The following REC8 variants were observed in gnomAD, a reference collection of about 807,000 sequenced individuals.
REC8 encodes REC8 meiotic recombination protein.
Under a neutral mutation model 78.3 loss-of-function variants are expected in REC8, and 42 were observed. That is an observed-to-expected ratio of 0.54 (90% CI 0.42 to 0.69). The LOEUF (loss-of-function observed/expected upper bound fraction) is 0.69. REC8 is among the 30% of genes least tolerant of loss of function. The pLI is 0.00. For synonymous variants in REC8, 268 were observed against 274.1 expected (o/e 0.98, Z 0.22); for missense variants, 581 against 715.8 (o/e 0.81, Z 2.15).
chr14:24,177,315 C>A (rs1566633705), intron 8 of REC8, 38 bp from the exon 9 acceptor site: 2 of 1,614,176 alleles, frequency 1.2e-6, no homozygotes, highest in South Asian at 2.2e-5. Flanking sequence ...TCCCATTTCT[C>A]TTTTTCTGTC....
rs1257771484 is a variant in REC8, at chr14:24,177,164, C to T, written c.648C>T (p.Val216=). The T allele has an allele frequency of 1.9e-6, 3 of 1,614,070 alleles. No homozygotes were observed. Among genetic ancestry groups the T allele is most frequent in the East Asian group, 4.5e-5 (2 of 44,868 alleles). Residue 216 remains valine, a synonymous_variant, in exon 8 of 19, where the codon GTC becomes GTT. Transcript: ENST00000611366. The part of the protein sequence containing the change: ...EIEGERELPE[V]SRRELDLLIA... ...AGGGTGAACGGGAGCTCCCAGAGGT[C>T]AGCCGCCGAGAACTGGACCTGCTGA...
rs2038965187 is a variant in REC8, at chr14:24,177,724, A to G, written c.830A>G (p.Glu277Gly). ...GALLMEVTPP[E>G]ELRLPAPPSP... ...GTTGTTGCAGAGGTGACCCCCCCGGAGGAGCTGCGTCTGCCAGCCCCACCC... is the reference window on the plus strand; with the variant it reads ...GTTGTTGCAGAGGTGACCCCCCCGGGGGAGCTGCGTCTGCCAGCCCCACCC... Residue 277 changes from glutamate (E) to glycine (G), a missense_variant, in exon 11 of 19, where the codon GAG (glutamate) becomes GGG (glycine). Physicochemically the swap from Glu to Gly is moderately conservative, Grantham distance 98. Transcript: ENST00000611366. 1 of 1,611,440 alleles carries G rather than the reference A, an allele frequency of 6.2e-7. No individual in the cohort carries two copies. The highest frequency in any genetic ancestry group is 8.5e-7 in the Non-Finnish European group (1 of 1,178,736).
At chr14:24,175,355 G>T in intron 5 of REC8, 188 bp from the exon 6 acceptor site, 1 of 548,890 alleles carries the variant, frequency 1.8e-6, no homozygotes, top group South Asian at 2.2e-5. Context: ...GGGTTGGGGA[G>T]GGAGGTGAGA....
In REC8 at chr14:24,176,866, C is replaced by T. The variant is rs749685028; in HGVS notation, c.589C>T (p.Leu197=). 2 of 1,613,858 alleles carry T rather than the reference C, an allele frequency of 1.2e-6. No individual in the cohort carries two copies. Among genetic ancestry groups the T allele is most frequent in the Non-Finnish European group, 1.7e-6 (2 of 1,179,900 alleles). ...TVLPPEAITI[L]EAEPIRMLEI... ...GCTGCCACCTGAGGCCATCACGATC[C>T]TGGAGGCAGAGCCCATACGGATGCT... The change falls in exon 7 of 19, where the codon CTG becomes TTG. Residue 197 remains leucine (L), a synonymous_variant. Coordinates refer to ENST00000611366, the MANE Select transcript of REC8 (RefSeq NM_001048205.2).
rs375023586 is a variant in REC8 at position 24,178,239 on chromosome 14, C to A, written c.996+17C>A. On this transcript the variant is annotated intron_variant, in intron 12 of 18. Transcript: ENST00000611366. ...TGGGAATGTGTGAGTGCAGCCCAGG[C>A]TTTGCCGGGGAAGGGAGGGAGGCAG... 18 of 1,607,644 alleles carry A rather than the reference C, an allele frequency of 1.1e-5. No homozygotes were observed. The South Asian group carries it at 1.6e-4, about 15-fold the overall frequency.
chr14:24,180,296 G>A (rs1425244397), downstream of REC8: 2 of 1,517,780 alleles, frequency 1.3e-6, no homozygotes, highest in African/African-American at 2.8e-5. Context: ...CAGCCTCAGG[G>A]ACAGCCCTGT....
rs1248465402 is a variant in REC8, at chr14:24,176,713, G to A, written c.545-109G>A. 6 of 817,952 alleles carry A rather than the reference G, an allele frequency of 7.3e-6. No homozygotes were observed. The African/African-American group carries it at 8.5e-5, about 12-fold the overall frequency. The allele number at this position is 817,952 out of a possible 1,614,324, so 50.7% of individuals were successfully genotyped here. On this transcript the variant is annotated intron_variant, in intron 6 of 18. Coordinates refer to ENST00000611366, the MANE Select transcript of REC8 (RefSeq NM_001048205.2). ...GGATGCCAGAGATTAGCCTGGGTCT[G>A]ATTAGAATCCAGGTTACCTTGACTT...
intron 11 of REC8, 107 bp from the exon 12 acceptor site, chr14:24,177,984 C>G: frequency 6.6e-7 from 1 of 1,525,808 alleles, no homozygotes; most frequent in African/African-American, 1.4e-5. Flanking sequence ...CAAGCCCTCT[C>G]CAGGTTCCTC....
Position 24,179,580 on chromosome 14 carries a change from CTCA to C in REC8, c.1320-13_1320-11del. The C allele has an allele frequency of 6.2e-7, 1 of 1,614,132 alleles. No homozygotes were observed. Among genetic ancestry groups the C allele is most frequent in the Non-Finnish European group, 8.5e-7 (1 of 1,180,002 alleles). ...TCACAGCTGCCACCTTCCCTACTCT[CTCA>C]TGTCCTCCTAGGGCCTGGCCTGAGG... On this transcript the variant is annotated splice_polypyrimidine_tract_variant and intron_variant, in intron 16 of 18. Transcript: ENST00000611366.
At position 24,172,918 on chromosome 14, in the gene REC8, G is replaced by T; in HGVS notation, c.145G>T (p.Val49Leu). ...VKTCEEILNY[V>L]LVRVQPPQPG... is the part of the protein sequence containing the mutation. The stretch of plus-strand genomic sequence containing the variant: ...CCCCAGCGAGGAAATCCTCAATTAC[G>T]TGCTGGTACGAGTGCAACCCCCGCA... Residue 49 changes from valine to leucine, a missense_variant, in exon 3 of 19, where the codon GTG (valine) becomes TTG (leucine). Val to Leu is a conservative substitution (Grantham distance 32). Transcript: ENST00000611366. The T allele has an allele frequency of 6.2e-7, 1 of 1,612,182 alleles. No homozygotes were observed.
chr14:24,172,816 G>C (rs748267625), intron 2 of REC8, 35 bp downstream of exon 2: 11 of 1,613,810 alleles, frequency 6.8e-6, no homozygotes, highest in South Asian at 5.5e-5. Context: ...GGCCTGGTGC[G>C]GGGGGTGAGT....
At position 24,177,483 on chromosome 14, in the gene REC8, G is replaced by A. The variant is rs558274429; in HGVS notation, c.756G>A (p.Glu252=). ...CCCTCAGGGTGGAAGGAATAGGAGA[G>A]GCACTGGGTCCTGAGGAGCTGAGGC... The part of the protein sequence containing the change: ...PAPAEVEGIG[E]ALGPEELRLT... Residue 252 remains glutamate, a synonymous_variant, in exon 10 of 19, where the codon GAG becomes GAA. Coordinates refer to ENST00000611366, the MANE Select transcript of REC8 (RefSeq NM_001048205.2). The A allele has an allele frequency of 1.2e-6, 2 of 1,614,158 alleles. No homozygotes were observed. The highest frequency in any genetic ancestry group is 2.2e-5 in the East Asian group (1 of 44,882).
chr14:24,176,369 T>C (rs1327527690), intron 6 of REC8, among the ~76,000 whole-genome samples: 1 of 150,456 alleles, frequency 6.6e-6, no homozygotes. Flanking sequence ...TTTTTTTTTT[T>C]TTTCTTTTTT....
At chr14:24,176,941 T>C (rs149670317) in intron 7 of REC8, 40 bp downstream of exon 7, 45 of 1,511,672 alleles carry the variant, frequency 3.0e-5, no homozygotes, top group Non-Finnish European at 3.5e-5. Context: ...TCCAGCCCCC[T>C]TGCATGTACT....
At position 24,173,271 on chromosome 14, in the gene REC8, C is replaced by G; in HGVS notation, c.342-20C>G. 6 of 1,614,116 alleles carry G rather than the reference C, an allele frequency of 3.7e-6. No individual in the cohort carries two copies. The highest frequency in any genetic ancestry group is 4.2e-6 in the Non-Finnish European group (5 of 1,179,946). On this transcript the variant is annotated intron_variant, in intron 4 of 18. Transcript: ENST00000611366. ...AGCCTGGCTCAGCCTCAGTCCTTCA[C>G]GGCCTACATTCTCTCCCAGACCCAG...
intron 15 of REC8, 62 bp downstream of exon 15, chr14:24,179,195 T>C: frequency 7.1e-7 from 1 of 1,407,464 alleles, no homozygotes; most frequent in South Asian, 1.2e-5. Flanking sequence ...AGGAAACTAG[T>C]ATCCCAACTG....
intron 5 of REC8, among the ~76,000 whole-genome samples, chr14:24,174,312 C>T (rs2038797481): frequency 6.6e-6 from 1 of 152,092 alleles, no homozygotes; most frequent in Non-Finnish European, 1.5e-5. Flanking sequence ...AATGGAGTCT[C>T]TGTCACCCAG....
Position 24,179,620 on chromosome 14 carries a change from G to A in REC8, c.1345G>A (p.Glu449Lys), listed in dbSNP as rs764903037. The A allele has an allele frequency of 6.2e-7, 1 of 1,614,218 alleles. No homozygotes were observed. Among genetic ancestry groups the A allele is most frequent in the Non-Finnish European group, 8.5e-7 (1 of 1,180,024 alleles). The change falls in exon 17 of 19, where the codon GAA (glutamate) becomes AAA (lysine). Residue 449 changes from glutamate (E) to lysine (K), a missense_variant. Coordinates refer to ENST00000611366, the MANE Select transcript of REC8 (RefSeq NM_001048205.2). ...GGCCTGGCCTGAGGTGGAGGCGCCA[G>A]AAGCTCCTGCATTGCCCGTGGTGCC... ...RWAWPEVEAP[E>K]APALPVVPEL...
Position 24,179,905 on chromosome 14 carries a change from G to A in REC8, c.1557G>A (p.Leu519=). The A allele has an allele frequency of 6.2e-7, 1 of 1,613,982 alleles. No individual in the cohort carries two copies. The highest frequency in any genetic ancestry group is 8.5e-7 in the Non-Finnish European group (1 of 1,179,952). ...CTGCCCGGGTCTTCTACCTGCTCCT[G>A]GGTGAGTGTATGCATGTGTGTGTGT... ...RMAARVFYLL[L]VLSAQQILHV... is the part of the protein sequence containing the mutation. Residue 519 remains leucine (L), a splice_region_variant and synonymous_variant, in exon 18 of 19, where the codon CTG becomes CTA. Coordinates refer to ENST00000611366, the MANE Select transcript of REC8 (RefSeq NM_001048205.2).
Sources: allele counts gnomAD v4.1 joint callset (sites outside exome capture counted in the v4.1 genomes callset), GRCh38; gene constraint gnomAD v4.1.1; transcripts MANE v1.5; gene names NCBI Gene and HGNC (gene_info 2026-07-23, HGNC 2026-07-21).